Variants in PDZRN4 observed in about 807,000 individuals in gnomAD.
PDZRN4 encodes PDZ domain containing ring finger 4, also known as PDZ domain-containing RING finger protein 4.
PDZRN4 carries 70 observed loss-of-function variants against 99.0 expected under a neutral mutation model. The observed-to-expected ratio is 0.71, with a 90% CI of 0.58 to 0.86. The LOEUF (loss-of-function observed/expected upper bound fraction) is 0.86. PDZRN4 is among the 40% of genes least tolerant of loss of function. PDZRN4 has a pLI of 0.00. For missense variants in PDZRN4, 1,474 were observed against 1,331.2 expected, an observed-to-expected ratio of 1.11 and a Z score of -1.67; for synonymous variants, 551 against 501.6, an observed-to-expected ratio of 1.10 and a Z score of -1.32.
intron 8 of PDZRN4, among the ~76,000 whole-genome samples, chr12:41,567,547 G>A (rs1200184210): frequency 1.3e-5 from 2 of 151,640 alleles, no homozygotes; most frequent in African/African-American, 4.8e-5. Flanking sequence ...AGATTTACTT[G>A]GTTATGAGAG....
At chr12:41,471,749 A>G (rs889114188) in intron 3 of PDZRN4, among the ~76,000 whole-genome samples, 20 of 151,110 alleles carry the variant, frequency 1.3e-4, no homozygotes, top group African/African-American at 4.6e-4. Flanking sequence ...GGTGATGATT[A>G]TAAACATAAA....
intron 3 of PDZRN4, among the ~76,000 whole-genome samples, chr12:41,204,040 G>C (rs1426687283): frequency 9.8e-6 from 1 of 101,698 alleles, no homozygotes; most frequent in East Asian, 3.1e-4. Flanking sequence ...AAGTAGTAAG[G>C]GCTTGTAGCA....
At chr12:41,233,154 A>C (rs1459533632) in intron 3 of PDZRN4, among the ~76,000 whole-genome samples, 1 of 152,202 alleles carries the variant, frequency 6.6e-6, no homozygotes, top group East Asian at 1.9e-4. Context: ...TCTCAAAAGA[A>C]GACATTTATG....
intron 3 of PDZRN4, among the ~76,000 whole-genome samples, chr12:41,450,899 G>T (rs1952769180): frequency 6.6e-6 from 1 of 152,068 alleles, no homozygotes; most frequent in African/African-American, 2.4e-5. Flanking sequence ...CTGCACCCCT[G>T]CCTGTGTGAC....
intron 5 of PDZRN4, among the ~76,000 whole-genome samples, chr12:41,516,184 G>A (rs1348725024): frequency 2.0e-5 from 3 of 151,986 alleles, no homozygotes; most frequent in African/African-American, 7.2e-5. Context: ...ACCGCATTCT[G>A]TAAATATTTT....
At chr12:41,497,584 A>G (rs909434346) in intron 3 of PDZRN4, among the ~76,000 whole-genome samples, 4 of 152,144 alleles carry the variant, frequency 2.6e-5, no homozygotes, top group African/African-American at 9.7e-5. Context: ...TTCACTGCAT[A>G]TAGAGTCACT....
chr12:41,558,896 TGAG>T (rs1250810028), intron 7 of PDZRN4, among the ~76,000 whole-genome samples: 1 of 152,166 alleles, frequency 6.6e-6, no homozygotes, highest in African/African-American at 2.4e-5. Flanking sequence ...TTATGGTTGA[TGAG>T]GAGATTATGG....
At chr12:41,322,729 C>T (rs12319307) in intron 3 of PDZRN4, among the ~76,000 whole-genome samples, 2,610 of 152,004 alleles carry the variant, frequency 0.017, 70 homozygotes, top group African/African-American at 0.055. Context: ...ATATCCTGAC[C>T]TCGTGATCCT....
intron 3 of PDZRN4, among the ~76,000 whole-genome samples, chr12:41,225,431 CTG>C (rs1704348356): frequency 1.0e-5 from 1 of 100,112 alleles, no homozygotes; most frequent in Non-Finnish European, 2.3e-5. Flanking sequence ...TTATATTACA[CTG>C]TGTTTTTTTT....
At chr12:41,535,174 A>G (rs758788949) in intron 5 of PDZRN4, among the ~76,000 whole-genome samples, 6 of 152,168 alleles carry the variant, frequency 3.9e-5, no homozygotes, top group South Asian at 2.1e-4. Flanking sequence ...AAATCTCTGT[A>G]TATTTCTAAT....
chr12:41,325,045 G>C (rs1215984756), intron 3 of PDZRN4, among the ~76,000 whole-genome samples: 1 of 151,986 alleles, frequency 6.6e-6, no homozygotes, highest in Non-Finnish European at 1.5e-5. Context: ...TAATATAGTA[G>C]AGCAAATATC....
intron 3 of PDZRN4, among the ~76,000 whole-genome samples, chr12:41,466,261 A>G (rs1952924482): frequency 6.6e-6 from 1 of 152,184 alleles, no homozygotes; most frequent in Admixed American, 6.5e-5. Flanking sequence ...ACTCAGGGGC[A>G]ATTATTGGTG....
intron 3 of PDZRN4, among the ~76,000 whole-genome samples, chr12:41,232,428 G>T (rs1951034553): frequency 6.6e-6 from 1 of 152,042 alleles, no homozygotes; most frequent in African/African-American, 2.4e-5. Context: ...GTAAGCGGGT[G>T]TTCATCGGCT....
chr12:41,247,336 A>G (rs1196629693), intron 3 of PDZRN4, among the ~76,000 whole-genome samples: 1 of 152,222 alleles, frequency 6.6e-6, no homozygotes, highest in Admixed American at 6.5e-5. Flanking sequence ...CTAGATAGGC[A>G]GATTTTCAGG....
Position 41,380,403 on chromosome 12 carries a change from C to T in PDZRN4, c.844-126053C>T, listed in dbSNP as rs1014155386. ...ATTGTTTTCTGACTGTCGTTAATTT[C>T]CTTGTTCCTTTCTTCTTCTTTTTTT... On this transcript the variant is annotated intron_variant, in intron 3 of 9. Coordinates refer to ENST00000402685, the MANE Select transcript of PDZRN4 (RefSeq NM_001164595.2). Among the ~76,000 whole-genome samples, 7 of 151,904 alleles carry T rather than the reference C, an allele frequency of 4.6e-5. No homozygotes were observed. The East Asian group carries it at 1.3e-3, about 29-fold the overall frequency.
intron 3 of PDZRN4, among the ~76,000 whole-genome samples, chr12:41,310,333 G>C (rs1565548152): frequency 6.6e-6 from 1 of 151,962 alleles, no homozygotes; most frequent in Non-Finnish European, 1.5e-5. Flanking sequence ...GTCCATTGGG[G>C]ATTAAAAATA....
chr12:41,316,104 C>G (rs1951636247), intron 3 of PDZRN4, among the ~76,000 whole-genome samples: 2 of 152,000 alleles, frequency 1.3e-5, no homozygotes, highest in Admixed American at 1.3e-4. Context: ...AGAACTGTAA[C>G]CCATTTTCTT....
intron 5 of PDZRN4, among the ~76,000 whole-genome samples, chr12:41,532,974 A>T (rs950135404): frequency 6.6e-6 from 1 of 152,144 alleles, no homozygotes; most frequent in Non-Finnish European, 1.5e-5. Context: ...TATACATTAG[A>T]TCAACCTGTT....
chr12:41,402,987 C>T lies in PDZRN4; in HGVS notation c.844-103469C>T, dbSNP rs536709582. On this transcript the variant is annotated intron_variant, in intron 3 of 9. Transcript: ENST00000402685. The stretch of plus-strand genomic sequence containing the variant: ...TAACTTAGATCTCACTGTTGGGTGA[C>T]TCATCGCTTAATAATTCAAGCCAGA... 1.8e-4 allele frequency among the ~76,000 whole-genome samples: 28 copies of T among 152,048 alleles called. 1 individual carries two copies. The highest frequency in any genetic ancestry group is 6.2e-4 in the South Asian group (3 of 4,816).
Sources: gnomAD v4.1 joint callset for allele counts (sites outside exome capture counted in the v4.1 genomes callset) on GRCh38, gnomAD v4.1.1 for gene constraint, MANE v1.5 for transcripts, NCBI Gene and HGNC (gene_info 2026-07-23, HGNC 2026-07-21) for gene names.